The following LRFN2 variants were observed in gnomAD, a reference collection of about 807,000 sequenced individuals.
The protein encoded by LRFN2 is leucine rich repeat and fibronectin type III domain containing 2.
A neutral mutation model predicts 37.3 loss-of-function variants in LRFN2; 18 were observed. The ratio of observed to expected loss-of-function variants is 0.48; its 90% CI spans 0.33 to 0.72. LRFN2 has a LOEUF of 0.72. Ranked by LOEUF, LRFN2 falls within the 30% of genes least tolerant of loss-of-function variation. The pLI is 0.02. For missense variants in LRFN2, 1,006 were observed against 1,060.7 expected (o/e 0.95, Z 0.72); for synonymous variants, 556 against 466.6 (o/e 1.19, Z -2.47).
intron 2 of LRFN2, among the ~76,000 whole-genome samples, chr6:40,402,626 C>T (rs556558055): frequency 1.3e-5 from 2 of 152,238 alleles, no homozygotes; most frequent in Non-Finnish European, 2.9e-5. Flanking sequence ...AATCAAGGTT[C>T]CAAGACATTA....
intron 2 of LRFN2, among the ~76,000 whole-genome samples, chr6:40,418,751 C>T (rs1763152554): frequency 6.6e-6 from 1 of 152,154 alleles, no homozygotes; most frequent in African/African-American, 2.4e-5. Context: ...TGTCAAGTGG[C>T]AATCATGGAT....
At chr6:40,559,790 C>T (rs924959466) in intron 1 of LRFN2, among the ~76,000 whole-genome samples, 1 of 152,160 alleles carries the variant, frequency 6.6e-6, no homozygotes, top group Non-Finnish European at 1.5e-5. Flanking sequence ...TCATCCGCCC[C>T]CTCTGACTCC....
chr6:40,481,791 G>A (rs9380962), intron 1 of LRFN2, among the ~76,000 whole-genome samples: 16 of 152,034 alleles, frequency 1.1e-4, no homozygotes, highest in Non-Finnish European at 2.1e-4. Context: ...GTGCCCGGGG[G>A]CAGGAGATGA....
intron 1 of LRFN2, among the ~76,000 whole-genome samples, chr6:40,472,911 A>C (rs1210411001): frequency 2.0e-5 from 3 of 151,966 alleles, no homozygotes; most frequent in Non-Finnish European, 4.4e-5. Context: ...CCACCCTGGC[A>C]TTCACACCCT....
intron 1 of LRFN2, among the ~76,000 whole-genome samples, chr6:40,475,885 G>A (rs1030689604): frequency 1.3e-5 from 2 of 152,166 alleles, no homozygotes; most frequent in Admixed American, 1.3e-4. Flanking sequence ...GCTAATTAAA[G>A]GTAGGACCTG....
intron 1 of LRFN2, among the ~76,000 whole-genome samples, chr6:40,537,529 A>C (rs1581784442): frequency 6.6e-6 from 1 of 152,130 alleles, no homozygotes. Context: ...TCCAAGGCCC[A>C]CTTCAACTGC....
intron 1 of LRFN2, among the ~76,000 whole-genome samples, chr6:40,466,258 C>CA (rs1764464009): frequency 6.6e-6 from 1 of 152,122 alleles, no homozygotes; most frequent in South Asian, 2.1e-4. Context: ...GAGCAGGCAG[C>CA]AAGGATAAAG....
chr6:40,561,679 G>T (rs559600552), intron 1 of LRFN2, among the ~76,000 whole-genome samples: 2 of 152,218 alleles, frequency 1.3e-5, no homozygotes, highest in Non-Finnish European at 2.9e-5. Context: ...GCATGGAAAA[G>T]CTGACATAAA....
chr6:40,545,092 C>T (rs762577573), intron 1 of LRFN2, among the ~76,000 whole-genome samples: 1 of 152,136 alleles, frequency 6.6e-6, no homozygotes, highest in African/African-American at 2.4e-5. Context: ...ATATTACTTA[C>T]CTTGTGGAAT....
chr6:40,432,267 C>G lies in LRFN2; in HGVS notation c.847G>C (p.Glu283Gln), dbSNP rs767185588. The G allele has an allele frequency of 2.2e-5, 35 of 1,614,046 alleles. 1 individual carries two copies. The highest frequency in any genetic ancestry group is 3.3e-4 in the Middle Eastern group (2 of 6,062). The change falls in exon 2 of 3, where the codon GAG becomes CAG. Residue 283 changes from glutamate (E) to glutamine (Q), a missense_variant. Glu to Gln is a conservative substitution (Grantham distance 29). This residue lies in a region of LRFN2 where 303 missense variants were observed against 299.8 expected (regional missense o/e 1.01). Coordinates refer to ENST00000338305, the MANE Select transcript of LRFN2 (RefSeq NM_020737.3). ...ATGAGAGGCGGCTCGCACACAAACT[C>G]CTCCTCACGCACATGCCAGAAGTAG... ...GRYFWHVREEEFVCEPPLITQ... is the reference protein window; with the variant it reads ...GRYFWHVREEQFVCEPPLITQ...
rs147341930 is a variant in LRFN2 at position 40,569,481 on chromosome 6, C to T, written c.-19+17460G>A. On this transcript the variant is annotated intron_variant, in intron 1 of 2. Transcript: ENST00000338305. Reference sequence around the variant, plus strand: ...CTGGCTTAGAAACCAGAAGGAAAAGCCTTTCCATGGTCAGGACCATATGGG... The same window carrying T: ...CTGGCTTAGAAACCAGAAGGAAAAGTCTTTCCATGGTCAGGACCATATGGG... Among the ~76,000 whole-genome samples, 708 of 152,300 alleles carry T rather than the reference C, an allele frequency of 4.6e-3. 8 individuals carry two copies. Among genetic ancestry groups the T allele is most frequent in the African/African-American group, 0.016 (670 of 41,568 alleles).
chr6:40,537,569 T>C (rs1561899912), intron 1 of LRFN2, among the ~76,000 whole-genome samples: 1 of 152,184 alleles, frequency 6.6e-6, no homozygotes, highest in Non-Finnish European at 1.5e-5. Context: ...GAAGCGTCCC[T>C]GACCACTCTG....
At chr6:40,545,123 G>A (rs879220970) in intron 1 of LRFN2, among the ~76,000 whole-genome samples, 2 of 152,208 alleles carry the variant, frequency 1.3e-5, no homozygotes, top group East Asian at 1.9e-4. Context: ...TCATATGAGC[G>A]AATTCATGCA....
chr6:40,436,330 C>T (rs1763674347), intron 1 of LRFN2, among the ~76,000 whole-genome samples: 1 of 152,196 alleles, frequency 6.6e-6, no homozygotes, highest in Non-Finnish European at 1.5e-5. Flanking sequence ...TTTATTAGAA[C>T]ACAGCCATGC....
intron 2 of LRFN2, among the ~76,000 whole-genome samples, chr6:40,400,262 T>C (rs564353379): frequency 1.2e-4 from 18 of 151,850 alleles, no homozygotes; most frequent in Admixed American, 7.9e-4. Context: ...GCTGAGTAAA[T>C]ATTTACCCTA....
Position 40,580,823 on chromosome 6 carries a change from A to C in LRFN2, c.-19+6118T>G, listed in dbSNP as rs969307490. Among the ~76,000 whole-genome samples the C allele has an allele frequency of 1.1e-4, 16 of 152,204 alleles. 1 individual carries two copies. The highest frequency in any genetic ancestry group is 2.9e-5 in the Non-Finnish European group (2 of 68,036). On this transcript the variant is annotated intron_variant, in intron 1 of 2. Coordinates refer to ENST00000338305, the MANE Select transcript of LRFN2 (RefSeq NM_020737.3). ...TTTGTAAGAGAAGGTATATGAACTC[A>C]TGAACGTGTGTACATGAATGTGTGC...
rs140856461 is a variant in LRFN2, at chr6:40,583,506, T to C, written c.-19+3435A>G. Among the ~76,000 whole-genome samples, 205 of 152,312 alleles carry C rather than the reference T, an allele frequency of 1.3e-3. 1 individual carries two copies. The highest frequency in any genetic ancestry group is 4.8e-3 in the African/African-American group (199 of 41,562). ...CTGACCCGTGAAAGTCCACCTTTAG[T>C]GCCCTGATACCTGAGTATAATTATA... On this transcript the variant is annotated intron_variant, in intron 1 of 2. Coordinates refer to ENST00000338305, the MANE Select transcript of LRFN2 (RefSeq NM_020737.3).
chr6:40,548,813 G>A (rs924574910), intron 1 of LRFN2, among the ~76,000 whole-genome samples: 2 of 152,176 alleles, frequency 1.3e-5, no homozygotes, highest in Admixed American at 1.3e-4. Context: ...AGCTGCTATA[G>A]CCATCTTGCT....
chr6:40,476,216 G>A (rs551265512), intron 1 of LRFN2, among the ~76,000 whole-genome samples: 8 of 152,150 alleles, frequency 5.3e-5, no homozygotes, highest in Admixed American at 2.0e-4. Context: ...AAGTATGAAG[G>A]CCTTTTCCCC....
Sources: allele counts gnomAD v4.1 joint callset (sites outside exome capture counted in the v4.1 genomes callset), GRCh38; gene constraint gnomAD v4.1.1; regional missense constraint gnomAD v4.1.1; transcripts MANE v1.5; gene names NCBI Gene and HGNC (gene_info 2026-07-23, HGNC 2026-07-21).